PCDHGA3: variants seen among roughly 807,000 people sequenced by gnomAD.
PCDHGA3 encodes the protein protocadherin gamma subfamily A, 3.
PCDHGA3 carries 40 observed loss-of-function variants against 58.5 expected under a neutral mutation model. The observed-to-expected ratio is 0.68, with a 90% CI of 0.53 to 0.89. The LOEUF is 0.89. PCDHGA3 is among the 40% of genes least tolerant of loss of function. The pLI is 0.00. For synonymous variants in PCDHGA3, 530 were observed against 525.7 expected, an observed-to-expected ratio of 1.01 and a Z score of -0.11; for missense variants, 1,223 against 1,195.9, an observed-to-expected ratio of 1.02 and a Z score of -0.33.
intron 1 of PCDHGA3, among the ~76,000 whole-genome samples, chr5:141,401,168 C>T (rs2094123018): frequency 1.3e-5 from 2 of 152,142 alleles, no homozygotes; most frequent in Non-Finnish European, 2.9e-5. Flanking sequence ...ATGGTGAAAA[C>T]CCGTCTCTAC....
chr5:141,346,930 T>C (rs1053008501), intron 1 of PCDHGA3, among the ~76,000 whole-genome samples: 2 of 152,258 alleles, frequency 1.3e-5, no homozygotes, highest in Admixed American at 1.3e-4. Context: ...GAATAAAAGA[T>C]ATTTTATGCC....
At chr5:141,459,035 AC>A (rs1337856322) in intron 1 of PCDHGA3, among the ~76,000 whole-genome samples, 1 of 152,218 alleles carries the variant, frequency 6.6e-6, no homozygotes, top group Non-Finnish European at 1.5e-5. Flanking sequence ...ATCCAGCCTT[AC>A]CAGCTATATT....
rs534356534 is a variant in PCDHGA3 at position 141,432,344 on chromosome 5, C to G, written c.2425-62463C>G. ...CGACTACGAGCAGTTCCGAGACTTG[C>G]AAGTGAAAGTGATGGCGCGGGACAA... is the stretch of plus-strand genomic sequence containing the variant. On this transcript the variant is annotated intron_variant, in intron 1 of 3. Coordinates refer to ENST00000253812, the MANE Select transcript of PCDHGA3 (RefSeq NM_018916.4). This position sits in a 1 kb window ranked among gnomAD's most constrained non-coding sequence, Gnocchi z 6.0. 1.9e-5 allele frequency: 30 copies of G among 1,614,238 alleles called. No individual in the cohort carries two copies. In the East Asian group the frequency reaches 2.5e-4, roughly 13 times the overall value.
intron 1 of PCDHGA3, among the ~76,000 whole-genome samples, chr5:141,436,221 G>C (rs1468526543): frequency 6.6e-6 from 1 of 152,004 alleles, no homozygotes; most frequent in African/African-American, 2.4e-5. Context: ...CAAATGACTT[G>C]GGAAACTAAG....
intron 1 of PCDHGA3, among the ~76,000 whole-genome samples, chr5:141,379,919 T>G (rs930949901): frequency 6.2e-5 from 7 of 113,224 alleles, no homozygotes; most frequent in Non-Finnish European, 1.2e-4. Flanking sequence ...TTTTTTTTTT[T>G]GTCAGAGTCT....
intron 1 of PCDHGA3, among the ~76,000 whole-genome samples, chr5:141,364,001 T>G (rs1014120803): frequency 1.3e-5 from 2 of 152,232 alleles, no homozygotes; most frequent in African/African-American, 4.8e-5. Flanking sequence ...TTAACGGTCA[T>G]AAACAACGCT....
chr5:141,394,633 G>A (rs1026935408), intron 1 of PCDHGA3: 57 of 1,613,274 alleles, frequency 3.5e-5, no homozygotes, highest in Middle Eastern at 1.7e-4. Flanking sequence ...CTGTCCTACC[G>A]CCTGCTCAAG....
At chr5:141,392,815 T>C (rs1361544072) in intron 1 of PCDHGA3, 8 of 1,586,560 alleles carry the variant, frequency 5.0e-6, no homozygotes, top group East Asian at 2.2e-5. Flanking sequence ...AAAACAACAA[T>C]GGCCGCTCCA....
intron 1 of PCDHGA3, chr5:141,375,635 C>A (rs776372663): frequency 2.4e-5 from 38 of 1,614,094 alleles, no homozygotes; most frequent in Non-Finnish European, 3.1e-5. Flanking sequence ...GTACGCCCTG[C>A]GCTCCTTCGA....
At chr5:141,466,324 C>A (rs2154569179) in intron 1 of PCDHGA3, among the ~76,000 whole-genome samples, 1 of 152,218 alleles carries the variant, frequency 6.6e-6, no homozygotes, top group East Asian at 1.9e-4. Context: ...GCACATGCTA[C>A]CATGCCTGGA....
chr5:141,357,184 G>A lies in PCDHGA3; in HGVS notation c.2424+10727G>A, dbSNP rs766733303. The A allele has an allele frequency of 3.1e-6, 5 of 1,613,780 alleles. No homozygotes were observed. In the South Asian group the frequency reaches 5.5e-5, roughly 18 times the overall value. ...TCTCTCGGCCACCGTCACACTCACT[G>A]TGGCTGTGGCCGACAGCATCCCAGA... On this transcript the variant is annotated intron_variant, in intron 1 of 3. Coordinates refer to ENST00000253812, the MANE Select transcript of PCDHGA3 (RefSeq NM_018916.4).
chr5:141,360,300 G>T, intron 1 of PCDHGA3: 1 of 1,613,978 alleles, frequency 6.2e-7, no homozygotes, highest in South Asian at 1.1e-5. Context: ...AGGATCTGGG[G>T]CTCAGCGTCC....
chr5:141,387,830 TTA>T (rs2091113162), intron 1 of PCDHGA3: 1 of 1,590,004 alleles, frequency 6.3e-7, no homozygotes, highest in African/African-American at 1.3e-5. Context: ...AATACAGAGG[TTA>T]TTTGTAACCC....
rs765185360 is a variant in PCDHGA3, at chr5:141,491,451, C to T, written c.2425-3356C>T. 1.2e-6 allele frequency: 2 copies of T among 1,614,112 alleles called. No individual in the cohort carries two copies. The highest frequency in any genetic ancestry group is 1.1e-5 in the South Asian group (1 of 91,082). On this transcript the variant is annotated intron_variant, in intron 1 of 3. Coordinates refer to ENST00000253812, the MANE Select transcript of PCDHGA3 (RefSeq NM_018916.4). This position sits in a 1 kb window ranked among gnomAD's most constrained non-coding sequence, Gnocchi z 6.9. ...AGTGCTGCAGGCGCCAGGACTCACC[C>T]TCCCCGGACTTCTATAAGCAGTCCA...
chr5:141,431,932 C>T lies in PCDHGA3; in HGVS notation c.2425-62875C>T. 2 of 1,614,172 alleles carry T rather than the reference C, an allele frequency of 1.2e-6. No individual in the cohort carries two copies. The highest frequency in any genetic ancestry group is 1.7e-6 in the Non-Finnish European group (2 of 1,180,002). On this transcript the variant is annotated intron_variant, in intron 1 of 3. Coordinates refer to ENST00000253812, the MANE Select transcript of PCDHGA3 (RefSeq NM_018916.4). This position sits in a 1 kb window ranked among gnomAD's most constrained non-coding sequence, Gnocchi z 4.8. The stretch of plus-strand genomic sequence containing the variant: ...TCTGTTTCATCCAAGGAAATCTGCC[C>T]TTTAAATTAGAAAAATCTTACGGAA...
chr5:141,465,056 G>A (rs908104635), intron 1 of PCDHGA3, among the ~76,000 whole-genome samples: 9 of 151,044 alleles, frequency 6.0e-5, no homozygotes, highest in Non-Finnish European at 1.3e-4. Context: ...ATATTTTTTT[G>A]AATTGTCTGT....
intron 1 of PCDHGA3, chr5:141,384,835 G>T: frequency 1.2e-6 from 2 of 1,613,468 alleles, no homozygotes; most frequent in Middle Eastern, 1.7e-4. Flanking sequence ...CGTGGTGGCC[G>T]TCCAGGACCA....
intron 1 of PCDHGA3, chr5:141,394,099 C>T: frequency 1.2e-6 from 2 of 1,613,930 alleles, no homozygotes; most frequent in South Asian, 1.1e-5. Context: ...GATCTAGGAA[C>T]ACCACCTCTG....
chr5:141,429,592 T>C (rs2097226711), intron 1 of PCDHGA3, among the ~76,000 whole-genome samples: 1 of 152,234 alleles, frequency 6.6e-6, no homozygotes, highest in Non-Finnish European at 1.5e-5. Flanking sequence ...ATTCTTGTAA[T>C]TCAAGTAAAC....
Sources: gnomAD v4.1 joint callset for allele counts (sites outside exome capture counted in the v4.1 genomes callset) on GRCh38, gnomAD v4.1.1 for gene constraint, Gnocchi (gnomAD v3.1) non-coding constraint, MANE v1.5 for transcripts, NCBI Gene and HGNC (gene_info 2026-07-23, HGNC 2026-07-21) for gene names.